DAPP1: variants seen among roughly 807,000 people sequenced by gnomAD.
The protein encoded by DAPP1 is dual adapter for phosphotyrosine and 3-phosphotyrosine and 3-phosphoinositide.
In DAPP1, 20 loss-of-function variants were observed where a neutral mutation model predicts 41.5. That is an observed-to-expected ratio of 0.48 (90% CI 0.34 to 0.70). DAPP1 has a LOEUF of 0.70. Ranked by LOEUF, DAPP1 falls within the 30% of genes least tolerant of loss-of-function variation. The pLI is 0.01. For missense variants in DAPP1, 233 were observed against 333.4 expected, an observed-to-expected ratio of 0.70 and a Z score of 2.35; for synonymous variants, 113 against 116.2, an observed-to-expected ratio of 0.97 and a Z score of 0.18.
chr4:99,850,896 T>C (rs1723832098), intron 3 of DAPP1, among the ~76,000 whole-genome samples: 1 of 152,190 alleles, frequency 6.6e-6, no homozygotes, highest in South Asian at 2.1e-4. Flanking sequence ...GAAGGAAGCA[T>C]AATTATTCTC....
chr4:99,817,884 G>A (rs1308011957), intron 1 of DAPP1, among the ~76,000 whole-genome samples: 3 of 152,194 alleles, frequency 2.0e-5, no homozygotes, highest in Admixed American at 6.5e-5. Flanking sequence ...TGACATAGGA[G>A]CTGTTGTCAT....
At chr4:99,824,829 G>A (rs778040903) in intron 1 of DAPP1, among the ~76,000 whole-genome samples, 3 of 152,174 alleles carry the variant, frequency 2.0e-5, no homozygotes, top group Non-Finnish European at 4.4e-5. Flanking sequence ...CAAATAAAAT[G>A]TTCCCTGAGC....
At chr4:99,828,560 A>G (rs1050270625) in intron 1 of DAPP1, among the ~76,000 whole-genome samples, 10 of 152,222 alleles carry the variant, frequency 6.6e-5, no homozygotes, top group Admixed American at 6.5e-4. Flanking sequence ...TGAAGGTTCC[A>G]CTATTCTGGA....
downstream of DAPP1, among the ~76,000 whole-genome samples, chr4:99,871,089 A>G (rs901932773): frequency 6.6e-6 from 1 of 152,104 alleles, no homozygotes; most frequent in Non-Finnish European, 1.5e-5. Context: ...TCCCAACCAC[A>G]TGGCATGCAA....
chr4:99,861,300 C>T (rs1724227245), intron 4 of DAPP1, among the ~76,000 whole-genome samples: 6 of 152,136 alleles, frequency 3.9e-5, no homozygotes, highest in Admixed American at 3.9e-4. Flanking sequence ...TCACATGACA[C>T]ACCTTGACAA....
Position 99,869,024 on chromosome 4 carries a change from A to G in DAPP1, c.*839A>G, listed in dbSNP as rs750565018. 1 of 152,242 alleles carries G rather than the reference A, an allele frequency of 6.6e-6. No individual in the cohort carries two copies. Among genetic ancestry groups the G allele is most frequent in the African/African-American group, 2.4e-5 (1 of 41,462 alleles). 9.4% of individuals were successfully genotyped at this position (152,242 alleles called of 1,614,324 possible). A position where few individuals can be genotyped will look rare whatever the true frequency, so the allele number is the denominator to read the frequency against. ...TAATAATAGAGCACTTGTAAGCACT[A>G]AGTTATCTTTATCCAACATTTCTCC... On this transcript the variant is annotated 3_prime_UTR_variant, in exon 9 of 9. Transcript: ENST00000512369.
intron 3 of DAPP1, among the ~76,000 whole-genome samples, chr4:99,851,534 G>GTTTTTTTTTTTTTTTTT (rs537614787): frequency 2.1e-4 from 16 of 77,758 alleles, no homozygotes; most frequent in South Asian, 4.8e-4. Flanking sequence ...GTTTTGTGTA[G>GTTTTTTTTTTTTTTTTT]TTTTTTTTTT....
chr4:99,841,100 A>G (rs925235084), intron 3 of DAPP1, among the ~76,000 whole-genome samples: 1 of 152,234 alleles, frequency 6.6e-6, no homozygotes, highest in Non-Finnish European at 1.5e-5. Context: ...TAGAATCACA[A>G]CACTTTTGTC....
Position 99,868,137 on chromosome 4 carries a change from C to A in DAPP1, c.795C>A (p.Leu265=). 1 of 1,613,848 alleles carries A rather than the reference C, an allele frequency of 6.2e-7. No individual in the cohort carries two copies. Among genetic ancestry groups the A allele is most frequent in the Non-Finnish European group, 8.5e-7 (1 of 1,179,830 alleles). Reference sequence around the variant, plus strand: ...TACAGTCACAAATAAGAAAACAGCTCAACCAAGGGGAAGGCACGATCCGAT... The same window carrying A: ...TACAGTCACAAATAAGAAAACAGCTAAACCAAGGGGAAGGCACGATCCGAT... The part of the protein sequence containing the change: ...RWKLSQIRKQ[L]NQGEGTIRSR... The change falls in exon 9 of 9, where the codon CTC becomes CTA. Residue 265 remains leucine, a synonymous_variant. Transcript: ENST00000512369.
chr4:99,868,499 G>T lies in DAPP1; in HGVS notation c.*314G>T, dbSNP rs918134790. 4 of 302,838 alleles carry T rather than the reference G, an allele frequency of 1.3e-5. No individual in the cohort carries two copies. Among genetic ancestry groups the T allele is most frequent in the Non-Finnish European group, 2.5e-5 (4 of 157,378 alleles). The allele number at this position is 302,838 out of a possible 1,614,324, so 18.8% of individuals were successfully genotyped here. On this transcript the variant is annotated 3_prime_UTR_variant, in exon 9 of 9. Coordinates refer to ENST00000512369, the MANE Select transcript of DAPP1 (RefSeq NM_014395.3). Reference sequence around the variant, plus strand: ...AGGGTTTTTGTTTTCACTCATTGTGGTCCCCAAGCCTATTGACACTAGTTG... The same window carrying T: ...AGGGTTTTTGTTTTCACTCATTGTGTTCCCCAAGCCTATTGACACTAGTTG...
intron 4 of DAPP1, among the ~76,000 whole-genome samples, chr4:99,860,661 C>T (rs1444298169): frequency 6.6e-6 from 1 of 152,056 alleles, no homozygotes; most frequent in Non-Finnish European, 1.5e-5. Flanking sequence ...GGAAAATTCA[C>T]CTTGGAAAAA....
At chr4:99,832,827 A>G (rs1417787479) in intron 1 of DAPP1, among the ~76,000 whole-genome samples, 1 of 152,258 alleles carries the variant, frequency 6.6e-6, no homozygotes, top group East Asian at 1.9e-4. Context: ...AGGAATGTCC[A>G]AATCCTTTAA....
chr4:99,827,822 T>G (rs913778210), intron 1 of DAPP1, among the ~76,000 whole-genome samples: 2 of 152,030 alleles, frequency 1.3e-5, no homozygotes, highest in African/African-American at 2.4e-5. Flanking sequence ...GGTGATAAGG[T>G]CCCTGGATGA....
chr4:99,849,204 G>A (rs2110154836), intron 3 of DAPP1, among the ~76,000 whole-genome samples: 1 of 152,218 alleles, frequency 6.6e-6, no homozygotes, highest in East Asian at 1.9e-4. Context: ...TACTTTTGTT[G>A]AATTAAACTT....
chr4:99,841,274 G>A (rs1723486238), intron 3 of DAPP1, among the ~76,000 whole-genome samples: 1 of 152,112 alleles, frequency 6.6e-6, no homozygotes, highest in South Asian at 2.1e-4. Context: ...TCAGTGTGAT[G>A]GGAAGAGATG....
At chr4:99,826,204 T>C (rs767257685) in intron 1 of DAPP1, among the ~76,000 whole-genome samples, 15 of 152,216 alleles carry the variant, frequency 9.9e-5, no homozygotes, top group Admixed American at 2.0e-4. Context: ...AGCTGTGCCA[T>C]GTATGAACTT....
At chr4:99,852,069 A>AT (rs1253130677) in intron 3 of DAPP1, among the ~76,000 whole-genome samples, 3 of 151,610 alleles carry the variant, frequency 2.0e-5, no homozygotes, top group Non-Finnish European at 2.9e-5. Context: ...TGCCCTATTC[A>AT]TTTTTTCCAT....
intron 3 of DAPP1, 42 bp downstream of exon 3, chr4:99,840,464 G>A (rs375674629): frequency 1.8e-5 from 28 of 1,587,878 alleles, no homozygotes; most frequent in African/African-American, 6.7e-5. Flanking sequence ...ATAATGTTTC[G>A]GGATGGAGGA....
intron 6 of DAPP1, among the ~76,000 whole-genome samples, 192 bp downstream of exon 6, chr4:99,863,264 G>A (rs1224073064): frequency 1.3e-5 from 2 of 152,098 alleles, no homozygotes; most frequent in Non-Finnish European, 2.9e-5. Context: ...CCCAGAAATT[G>A]CTTTCTTGGA....
Sources: allele counts gnomAD v4.1 joint callset (sites outside exome capture counted in the v4.1 genomes callset), GRCh38; gene constraint gnomAD v4.1.1; transcripts MANE v1.5; gene names NCBI Gene and HGNC (gene_info 2026-07-23, HGNC 2026-07-21).